The following RFX3 variants were observed in gnomAD, a reference collection of about 807,000 sequenced individuals.
The protein encoded by RFX3 is transcription factor RFX3.
A neutral mutation model predicts 98.6 loss-of-function variants in RFX3; 14 were observed. The ratio of observed to expected loss-of-function variants is 0.14; its 90% CI spans 0.09 to 0.22. The LOEUF (loss-of-function observed/expected upper bound fraction) is 0.22. Among genes scored for constraint, RFX3 ranks in the 10% least tolerant of loss-of-function variants. RFX3 has a pLI of 1.00. For missense variants in RFX3, 639 were observed against 926.9 expected (o/e 0.69, Z 4.03); for synonymous variants, 383 against 328.4 (o/e 1.17, Z -1.80).
At chr9:3,360,668 T>C (rs1318259733) in intron 2 of RFX3, among the ~76,000 whole-genome samples, 1 of 152,174 alleles carries the variant, frequency 6.6e-6, no homozygotes, top group Non-Finnish European at 1.5e-5. Context: ...CTATTACAAA[T>C]ACATTTGCTA....
intron 4 of RFX3, among the ~76,000 whole-genome samples, chr9:3,310,482 T>C (rs924875930): frequency 6.6e-5 from 10 of 152,242 alleles, no homozygotes; most frequent in African/African-American, 2.2e-4. Flanking sequence ...TCAATATTGA[T>C]ATATTCAACT....
chr9:3,318,487 G>A (rs533838405), intron 4 of RFX3, among the ~76,000 whole-genome samples: 13 of 150,542 alleles, frequency 8.6e-5, no homozygotes, highest in African/African-American at 3.2e-4. Flanking sequence ...AAACATGTAC[G>A]TTGTGCACAT....
At chr9:3,257,384 G>A (rs1235458583) in intron 13 of RFX3, among the ~76,000 whole-genome samples, 185 bp from the exon 14 acceptor site, 2 of 152,020 alleles carry the variant, frequency 1.3e-5, no homozygotes, top group African/African-American at 4.8e-5. Flanking sequence ...AGTTTTAAGG[G>A]ATGAGTATTT....
chr9:3,402,544 A>T (rs1478520271), intron 1 of RFX3, among the ~76,000 whole-genome samples: 1 of 152,104 alleles, frequency 6.6e-6, no homozygotes, highest in Non-Finnish European at 1.5e-5. Flanking sequence ...CTGATTCAAC[A>T]TAAGATCACA....
intron 4 of RFX3, among the ~76,000 whole-genome samples, chr9:3,304,186 C>G (rs1172193314): frequency 6.6e-6 from 1 of 151,904 alleles, no homozygotes; most frequent in Non-Finnish European, 1.5e-5. Context: ...TAGTTACCAC[C>G]TCACTGATAA....
intron 15 of RFX3, among the ~76,000 whole-genome samples, chr9:3,246,162 A>G (rs1322120206): frequency 1.3e-5 from 2 of 152,188 alleles, no homozygotes; most frequent in Non-Finnish European, 2.9e-5. Flanking sequence ...GGGCTTTCCT[A>G]TAAACTGAGT....
intron 16 of RFX3, among the ~76,000 whole-genome samples, chr9:3,226,707 G>C (rs370930347): frequency 2.8e-4 from 42 of 152,258 alleles, no homozygotes; most frequent in African/African-American, 9.9e-4. Context: ...CAGGGAGAGG[G>C]ATACCTTTTG....
At chr9:3,455,082 A>T (rs1847025658) in intron 1 of RFX3, among the ~76,000 whole-genome samples, 1 of 152,124 alleles carries the variant, frequency 6.6e-6, no homozygotes, top group African/African-American at 2.4e-5. Flanking sequence ...CTCTCTAGTC[A>T]ATTCCCCACA....
At chr9:3,233,590 G>C (rs975452437) in intron 15 of RFX3, among the ~76,000 whole-genome samples, 1 of 152,190 alleles carries the variant, frequency 6.6e-6, no homozygotes, top group Non-Finnish European at 1.5e-5. Context: ...AAAGAGCTCA[G>C]GGGATTGGGA....
intron 4 of RFX3, among the ~76,000 whole-genome samples, chr9:3,311,182 G>A (rs180848154): frequency 3.4e-3 from 517 of 152,330 alleles, no homozygotes; most frequent in Non-Finnish European, 6.1e-3. Flanking sequence ...GAAACTTAAT[G>A]AAGAGGATAC....
chr9:3,419,359 T>C (rs1010422787), intron 1 of RFX3, among the ~76,000 whole-genome samples: 4 of 152,176 alleles, frequency 2.6e-5, no homozygotes, highest in African/African-American at 9.7e-5. Context: ...AATAATCTCA[T>C]GGGTCTCTTA....
At chr9:3,246,494 G>A (rs1057459767) in intron 15 of RFX3, among the ~76,000 whole-genome samples, 1 of 152,158 alleles carries the variant, frequency 6.6e-6, no homozygotes, top group Non-Finnish European at 1.5e-5. Context: ...TGGTGTTAAT[G>A]AGAATCCCCG....
intron 1 of RFX3, among the ~76,000 whole-genome samples, chr9:3,432,810 CT>C (rs1158989260): frequency 6.6e-6 from 1 of 152,108 alleles, no homozygotes; most frequent in Admixed American, 6.6e-5. Context: ...CTTTTGGTTT[CT>C]TTTATGACTT....
intron 1 of RFX3, among the ~76,000 whole-genome samples, chr9:3,429,667 T>A (rs554971981): frequency 3.0e-3 from 450 of 152,304 alleles, no homozygotes; most frequent in Middle Eastern, 6.8e-3. Context: ...TACATTCACT[T>A]GCAAAGTATT....
intron 2 of RFX3, among the ~76,000 whole-genome samples, chr9:3,366,894 C>G (rs1837274913): frequency 6.6e-6 from 1 of 151,920 alleles, no homozygotes; most frequent in African/African-American, 2.4e-5. Flanking sequence ...TTCCCCATAT[C>G]CTTTGTAGCA....
chr9:3,511,388 T>C (rs1486019503), intron 1 of RFX3, among the ~76,000 whole-genome samples: 1 of 151,902 alleles, frequency 6.6e-6, no homozygotes, highest in Non-Finnish European at 1.5e-5. Flanking sequence ...AATTGTAAAA[T>C]AAACTTCTTT....
intron 1 of RFX3, among the ~76,000 whole-genome samples, chr9:3,426,070 G>T (rs746725569): frequency 4.0e-5 from 6 of 151,868 alleles, no homozygotes; most frequent in Non-Finnish European, 2.9e-5. Context: ...TATACTATAC[G>T]ATTGGATTTA....
chr9:3,437,051 T>A (rs959220151), intron 1 of RFX3, among the ~76,000 whole-genome samples: 1 of 152,120 alleles, frequency 6.6e-6, no homozygotes, highest in Non-Finnish European at 1.5e-5. Context: ...ATTCATAGTA[T>A]CCATTATTTT....
intron 1 of RFX3, among the ~76,000 whole-genome samples, chr9:3,510,786 C>T (rs900497978): frequency 1.3e-5 from 2 of 151,946 alleles, no homozygotes; most frequent in African/African-American, 4.8e-5. Flanking sequence ...GTTTTATTCA[C>T]ATATTGTTTG....
Sources: gnomAD v4.1 joint callset for allele counts (sites outside exome capture counted in the v4.1 genomes callset) on GRCh38, gnomAD v4.1.1 for gene constraint, MANE v1.5 for transcripts, NCBI Gene and HGNC (gene_info 2026-07-23, HGNC 2026-07-21) for gene names.